ZBTB25: variants seen among roughly 807,000 people sequenced by gnomAD.
ZBTB25 encodes the protein zinc finger and BTB domain containing 25, also known as zinc finger and BTB domain-containing protein 25.
In ZBTB25, 20 loss-of-function variants were observed where a neutral mutation model predicts 34.2. That is an observed-to-expected ratio of 0.58 (90% CI 0.41 to 0.85). ZBTB25 has a LOEUF of 0.85. Ranked by LOEUF, ZBTB25 falls within the 40% of genes least tolerant of loss-of-function variation. The pLI, the probability that ZBTB25 is intolerant of heterozygous loss-of-function variation, is 0.00. For missense variants in ZBTB25, 437 were observed against 521.8 expected (o/e 0.84, Z 1.58); for synonymous variants, 175 against 186.4 (o/e 0.94, Z 0.50).
chr14:64,473,905 T>C (rs200646531), downstream of ZBTB25: 1 of 166,720 alleles, frequency 6.0e-6, no homozygotes, highest in East Asian at 1.9e-4. Context: ...TTATGGTACA[T>C]TTTGAAAAGA....
chr14:64,503,907 C>T (rs12879767), upstream of ZBTB25: 3 of 152,154 alleles, frequency 2.0e-5, no homozygotes, highest in East Asian at 5.9e-4. Flanking sequence ...CCGCCCGCCT[C>T]AGTGGCCGGG....
chr14:64,468,633 C>A (rs987990859), intron 2 of ZBTB25: 1 of 1,613,778 alleles, frequency 6.2e-7, no homozygotes. Context: ...GGGGCCTGGG[C>A]CTCACTCAAA....
chr14:64,469,161 A>G, intron 2 of ZBTB25: 1 of 1,614,136 alleles, frequency 6.2e-7, no homozygotes, highest in Non-Finnish European at 8.5e-7. Flanking sequence ...TCAGAAACAG[A>G]CCATCAGCAG....
chr14:64,460,317 G>A (rs1596577292), intron 2 of ZBTB25: 1 of 185,300 alleles, frequency 5.4e-6, no homozygotes, highest in Admixed American at 5.4e-5. Context: ...GTTTTTGCCT[G>A]AACTTCCTTG....
chr14:64,491,937 T>C (rs2079094250), intron 1 of ZBTB25, among the ~76,000 whole-genome samples: 1 of 151,896 alleles, frequency 6.6e-6, no homozygotes, highest in East Asian at 1.9e-4. Flanking sequence ...TAAATATAGC[T>C]AACATTTTAT....
At chr14:64,460,106 T>C (rs1205640583) in intron 2 of ZBTB25, 5 of 604,938 alleles carry the variant, frequency 8.3e-6, no homozygotes, top group South Asian at 2.1e-5. Flanking sequence ...GGGCTGAAGA[T>C]GCAAGTTGCA....
rs149899012 is a variant in ZBTB25 at position 64,449,480 on chromosome 14, G to A, written c.*71C>T. On this transcript the variant is annotated 3_prime_UTR_variant, in exon 3 of 3. Transcript: ENST00000555220. ...GAGTCTGAGCTGGACCTCATCAGCC[G>A]CCTTTCCAGAGAACATGGGGCTTTT... 2,038 of 1,613,902 alleles carry A rather than the reference G, an allele frequency of 1.3e-3. 22 individuals carry two copies. The African/African-American group carries it at 0.024, about 19-fold the overall frequency.
rs1566599986 is a variant in ZBTB25, at chr14:64,487,626, GA to G, written c.604del (p.Ser202ProfsTer12). 1.2e-6 allele frequency: 2 copies of G among 1,605,418 alleles called. No individual in the cohort carries two copies. The highest frequency in any genetic ancestry group is 2.2e-5 in the South Asian group (2 of 89,408). On this transcript the variant is annotated frameshift_variant, in exon 3 of 3. Coordinates refer to ENST00000608382, the MANE Select transcript of ZBTB25 (RefSeq NM_006977.5). LOFTEE classifies it high-confidence loss of function. ...TGGGTCACATCTCTCCTGCTTGATG[GA>G]AACTGGGGGCTTCTGGTGCTCCTCC... The part of the protein sequence containing the change: ...ALEEHQKPPV[S>X]IKQERCDPES...
intron 2 of ZBTB25, chr14:64,469,686 T>C: frequency 6.5e-7 from 1 of 1,533,562 alleles, no homozygotes; most frequent in Non-Finnish European, 8.8e-7. Context: ...TGACTTACTC[T>C]CCAGAGTCAC....
chr14:64,449,338 T>G (rs1045659475), exon 3 of ZBTB25: 72 of 1,316,024 alleles, frequency 5.5e-5, no homozygotes, highest in Non-Finnish European at 7.5e-5. Flanking sequence ...TCTTGGTTAG[T>G]GTTCGTTTAT....
intron 2 of ZBTB25, among the ~76,000 whole-genome samples, chr14:64,489,680 C>T (rs376468243): frequency 2.6e-5 from 4 of 151,424 alleles, no homozygotes; most frequent in African/African-American, 7.3e-5. Context: ...GGACTACAGG[C>T]GCCCACCACC....
chr14:64,449,641 G>C (rs760761836), intron 2 of ZBTB25: 12 of 1,613,142 alleles, frequency 7.4e-6, no homozygotes, highest in Non-Finnish European at 9.3e-6. Context: ...TTTGCTGTCT[G>C]CAAAAAAAGA....
chr14:64,453,711 A>T, intron 2 of ZBTB25: 1 of 1,180,290 alleles, frequency 8.5e-7, no homozygotes, highest in Non-Finnish European at 1.3e-6. Flanking sequence ...ATGTCCTCAC[A>T]TGTGTCCAGT....
chr14:64,465,381 G>T (rs2078600355), intron 2 of ZBTB25: 1 of 151,798 alleles, frequency 6.6e-6, no homozygotes, highest in Non-Finnish European at 1.5e-5. Flanking sequence ...CGCCCGCGCC[G>T]CCCCGCGCCT....
chr14:64,476,724 C>A (rs773047397), downstream of ZBTB25, among the ~76,000 whole-genome samples: 56 of 149,458 alleles, frequency 3.7e-4, no homozygotes, highest in Non-Finnish European at 7.8e-4. Flanking sequence ...TTGGTCACGA[C>A]TCAATTCAGG....
downstream of ZBTB25, among the ~76,000 whole-genome samples, chr14:64,476,062 G>T (rs1566590847): frequency 6.6e-6 from 1 of 152,196 alleles, no homozygotes; most frequent in African/African-American, 2.4e-5. Context: ...CAAAGCAGAT[G>T]CAGTCATTTC....
chr14:64,465,715 G>A (rs2078606007), intron 2 of ZBTB25: 1 of 152,214 alleles, frequency 6.6e-6, no homozygotes, highest in Non-Finnish European at 1.5e-5. Flanking sequence ...TGGATACGGG[G>A]TATCCGAGCC....
downstream of ZBTB25, among the ~76,000 whole-genome samples, chr14:64,475,941 C>T (rs2078715887): frequency 2.6e-5 from 4 of 152,214 alleles, no homozygotes; most frequent in South Asian, 8.3e-4. Flanking sequence ...CTTGATATGA[C>T]AGTGCTACTA....
At chr14:64,492,601 C>CAA (rs11419156) in intron 1 of ZBTB25, among the ~76,000 whole-genome samples, 79 of 141,254 alleles carry the variant, frequency 5.6e-4, no homozygotes, top group East Asian at 2.7e-3. Context: ...TAAGTTGTCT[C>CAA]AAAAAAAAAA....
Sources: gnomAD v4.1 joint callset for allele counts (sites outside exome capture counted in the v4.1 genomes callset) on GRCh38, gnomAD v4.1.1 for gene constraint, MANE v1.5 for transcripts, NCBI Gene and HGNC (gene_info 2026-07-23, HGNC 2026-07-21) for gene names.